VPS37A: variants seen among roughly 807,000 people sequenced by gnomAD.
VPS37A encodes the protein VPS37A subunit of ESCRT-I.
A neutral mutation model predicts 49.8 loss-of-function variants in VPS37A; 30 were observed. The observed-to-expected ratio is 0.60, with a 90% CI of 0.45 to 0.82. VPS37A has a LOEUF of 0.82. Among genes scored for constraint, VPS37A ranks in the 40% least tolerant of loss-of-function variants. The pLI, the probability that VPS37A is intolerant of heterozygous loss-of-function variation, is 0.00. For missense variants in VPS37A, 593 were observed against 464.4 expected, an observed-to-expected ratio of 1.28 and a Z score of -2.55; for synonymous variants, 195 against 160.6, an observed-to-expected ratio of 1.21 and a Z score of -1.62.
In VPS37A at chr8:17,297,675, G is replaced by C. The variant is rs1056404413; in HGVS notation, c.*2689G>C. 2.0e-5 allele frequency: 3 copies of C among 151,926 alleles called. No homozygotes were observed. The highest frequency in any genetic ancestry group is 7.3e-5 in the African/African-American group (3 of 41,366). 9.4% of individuals were successfully genotyped at this position (151,926 alleles called of 1,614,324 possible). ...ATTATTCCCTATGCTTTAAACCACT[G>C]CTCTCAATAAAACACTTCCTGATTA... On this transcript the variant is annotated 3_prime_UTR_variant, in exon 12 of 12. Coordinates refer to ENST00000324849, the MANE Select transcript of VPS37A (RefSeq NM_152415.3).
intron 5 of VPS37A, among the ~76,000 whole-genome samples, chr8:17,275,795 T>C (rs1296032701): frequency 6.6e-6 from 1 of 152,184 alleles, no homozygotes; most frequent in Non-Finnish European, 1.5e-5. Flanking sequence ...CCAACATTAC[T>C]AATTTCAGAG....
chr8:17,247,785 A>G (rs891922386), intron 1 of VPS37A: 1 of 702,570 alleles, frequency 1.4e-6, no homozygotes, highest in East Asian at 2.7e-5. Flanking sequence ...AAAGAATGGA[A>G]AATAGAACTG....
chr8:17,257,474 C>T (rs1812576290), intron 1 of VPS37A, among the ~76,000 whole-genome samples: 1 of 152,084 alleles, frequency 6.6e-6, no homozygotes, highest in Non-Finnish European at 1.5e-5. Flanking sequence ...GGGAACATCA[C>T]ACACCGGGGC....
intron 1 of VPS37A, among the ~76,000 whole-genome samples, chr8:17,258,314 A>G (rs534458088): frequency 1.2e-4 from 19 of 152,234 alleles, no homozygotes; most frequent in Non-Finnish European, 2.4e-4. Flanking sequence ...ATTTTGATGT[A>G]TATTCCTTCT....
In VPS37A at chr8:17,247,286, C is replaced by T. The variant is rs1811321616; in HGVS notation, c.42C>T (p.Ser14=). The T allele has an allele frequency of 6.4e-7, 1 of 1,566,608 alleles. No individual in the cohort carries two copies. Among genetic ancestry groups the T allele is most frequent in the Non-Finnish European group, 8.7e-7 (1 of 1,155,824 alleles). The change falls in exon 1 of 12, where the codon TCC becomes TCT. Residue 14 remains serine (S), a synonymous_variant. Transcript: ENST00000324849. ...CCCTGACCAAGAGCGCCTCCTCCTC[C>T]GCGGCTGGGTCCCCCGGTGGCCTCA... is the stretch of plus-strand genomic sequence containing the variant. ...LFPLTKSASS[S]AAGSPGGLTS... is the part of the protein sequence containing the mutation.
At chr8:17,300,472 G>A (rs545317091), downstream of VPS37A, among the ~76,000 whole-genome samples, 4 of 152,244 alleles carry the variant, frequency 2.6e-5, no homozygotes, top group African/African-American at 9.6e-5. Flanking sequence ...ATATAGCACA[G>A]TTGAAGCACC....
At chr8:17,272,388 A>C (rs1445549914) in intron 4 of VPS37A, among the ~76,000 whole-genome samples, 2 of 152,138 alleles carry the variant, frequency 1.3e-5, no homozygotes, top group Non-Finnish European at 2.9e-5. Context: ...TTATTTTCAG[A>C]TAAAAAATGT....
At chr8:17,271,343 C>A (rs537161859) in intron 4 of VPS37A, among the ~76,000 whole-genome samples, 54 of 152,288 alleles carry the variant, frequency 3.5e-4, no homozygotes, top group African/African-American at 4.6e-4. Context: ...CGGTGGCTCA[C>A]GCCTGTAATC....
At chr8:17,302,830 A>G (rs933814198), downstream of VPS37A, among the ~76,000 whole-genome samples, 3 of 150,158 alleles carry the variant, frequency 2.0e-5, no homozygotes, top group Non-Finnish European at 4.4e-5. Flanking sequence ...CTCCTGCCTC[A>G]GCCTCCCAAG....
chr8:17,269,161 G>A (rs1012279586), intron 4 of VPS37A, among the ~76,000 whole-genome samples: 27 of 152,082 alleles, frequency 1.8e-4, no homozygotes, highest in East Asian at 3.9e-4. Context: ...TAATGTATGC[G>A]TACTTCTATC....
At chr8:17,273,517 C>G (rs942553863) in intron 4 of VPS37A, among the ~76,000 whole-genome samples, 3 of 152,120 alleles carry the variant, frequency 2.0e-5, no homozygotes, top group African/African-American at 7.2e-5. Context: ...CAGGCGCCCA[C>G]CACTACGCCC....
At chr8:17,248,483 T>A (rs1242754033) in intron 1 of VPS37A, 2 of 421,060 alleles carry the variant, frequency 4.7e-6, no homozygotes, top group Non-Finnish European at 9.7e-6. Flanking sequence ...ACCACATTGG[T>A]CAGGCTGGTC....
At chr8:17,259,915 A>T (rs1812817074) in intron 1 of VPS37A, among the ~76,000 whole-genome samples, 1 of 152,056 alleles carries the variant, frequency 6.6e-6, no homozygotes, top group Non-Finnish European at 1.5e-5. Context: ...TTCCAGTTGC[A>T]TGAAATATCT....
the VPS37A span, among the ~76,000 whole-genome samples, chr8:17,322,731 A>G: frequency 6.6e-6 from 1 of 152,126 alleles, no homozygotes; most frequent in South Asian, 2.1e-4. Context: ...AGGGTGAGGC[A>G]GGAGGATCAC....
chr8:17,257,116 T>C (rs886471225), intron 1 of VPS37A, among the ~76,000 whole-genome samples: 2 of 152,210 alleles, frequency 1.3e-5, no homozygotes, highest in Admixed American at 6.5e-5. Flanking sequence ...TGGTAAGAGA[T>C]AGGGTCTAGT....
intron 1 of VPS37A, among the ~76,000 whole-genome samples, chr8:17,256,290 ATTTTTTTTTTT>A (rs529736602): frequency 9.9e-4 from 60 of 60,404 alleles, no homozygotes; most frequent in African/African-American, 3.8e-3. Flanking sequence ...GGGTAAAATG[ATTTTTTTTTTT>A]TTTTTTTTTT....
chr8:17,266,796 C>T (rs957668606), intron 2 of VPS37A, among the ~76,000 whole-genome samples: 15 of 152,096 alleles, frequency 9.9e-5, no homozygotes, highest in African/African-American at 2.9e-4. Context: ...ATTTTTGAGA[C>T]GGAGCCTCCC....
At chr8:17,312,867 C>T in the VPS37A span, among the ~76,000 whole-genome samples, 1 of 152,164 alleles carries the variant, frequency 6.6e-6, no homozygotes, top group Non-Finnish European at 1.5e-5. Flanking sequence ...GTGAAAGCTG[C>T]AGCGACATTT....
chr8:17,265,371 A>G (rs1335440824), intron 1 of VPS37A, among the ~76,000 whole-genome samples: 2 of 152,244 alleles, frequency 1.3e-5, no homozygotes, highest in Non-Finnish European at 2.9e-5. Context: ...ACTAACTAGA[A>G]CATTGCTACC....
Sources: gnomAD v4.1 joint callset for allele counts (sites outside exome capture counted in the v4.1 genomes callset) on GRCh38, gnomAD v4.1.1 for gene constraint, MANE v1.5 for transcripts, NCBI Gene and HGNC (gene_info 2026-07-23, HGNC 2026-07-21) for gene names.